MKI67: variants seen among roughly 807,000 people sequenced by gnomAD.
MKI67 encodes the protein proliferation marker protein Ki-67.
In MKI67, 152 loss-of-function variants were observed where a neutral mutation model predicts 233.5. That is an observed-to-expected ratio of 0.65 (90% CI 0.57 to 0.74). The LOEUF is 0.74. Ranked by LOEUF, MKI67 falls within the 30% of genes least tolerant of loss-of-function variation. The pLI is 0.00. For missense variants in MKI67, 3,940 were observed against 3,885.2 expected (o/e 1.01, Z -0.37); for synonymous variants, 1,465 against 1,418.5 (o/e 1.03, Z -0.74).
At position 128,110,453 on chromosome 10, in the gene MKI67, C is replaced by A; in HGVS notation, c.2341G>T (p.Glu781Ter). 1 of 1,588,944 alleles carries A rather than the reference C, an allele frequency of 6.3e-7. No individual in the cohort carries two copies. The highest frequency in any genetic ancestry group is 8.6e-7 in the Non-Finnish European group (1 of 1,159,840). ...TGAAACTGTTTTCCAAGCAAATTCT[C>A]TGAATTTGAAATAGCGATGTGACAT... ...STCHIAISNS[E>*]NLLGKQFQGT... The change falls in exon 12 of 15, where the codon GAG becomes TAG. Residue 781 changes from glutamate (E) to a stop codon, truncating the protein, a stop_gained. Transcript: ENST00000368654. LOFTEE classifies it high-confidence loss of function.
chr10:128,115,878 T>A lies in MKI67; in HGVS notation c.530A>T (p.Gln177Leu), dbSNP rs748669970. The stretch of plus-strand genomic sequence containing the variant: ...TGAGGAATGAACATTAGTTGTTCCC[T>A]GAGCAACACTGTCTTTTGAGTCATC... ...TADDSKDSVA[Q>L]GTTNVHSSEH... The change falls in exon 7 of 15, where the codon CAG becomes CTG. Residue 177 changes from glutamine to leucine, a missense_variant. Physicochemically the swap from Gln to Leu is moderately radical, Grantham distance 113 (BLOSUM62 -2). Coordinates refer to ENST00000368654, the MANE Select transcript of MKI67 (RefSeq NM_002417.5). 45 of 1,609,210 alleles carry A rather than the reference T, an allele frequency of 2.8e-5. No homozygotes were observed. In the Middle Eastern group the frequency reaches 2.1e-3, roughly 77 times the overall value.
At chr10:128,102,508 T>G (rs1278820062) in intron 13 of MKI67, 71 bp downstream of exon 13, 1 of 1,542,852 alleles carries the variant, frequency 6.5e-7, no homozygotes, top group African/African-American at 1.4e-5. Flanking sequence ...TCAGGTTACA[T>G]GCAAAGTATA....
chr10:128,110,357 T>C (rs777173832), intron 12 of MKI67, 21 bp downstream of exon 12: 4 of 1,534,700 alleles, frequency 2.6e-6, no homozygotes, highest in Non-Finnish European at 3.6e-6. Context: ...CATCACAGTG[T>C]TAGGAAACAA....
chr10:128,102,870 G>T lies in MKI67; in HGVS notation c.8970C>A (p.Ser2990=). The change falls in exon 13 of 15, where the codon TCC becomes TCA. Residue 2990 remains serine (S), a synonymous_variant. Coordinates refer to ENST00000368654, the MANE Select transcript of MKI67 (RefSeq NM_002417.5). ...CCCTCTTGAAGGGCAGTGGGGGCAG[G>T]GAAGTGTTGCTTTTGCTTTGTGATT... The part of the protein sequence containing the change: ...PVKSQSKSNT[S]LPPLPFKRGG... 3.1e-6 allele frequency: 5 copies of T among 1,614,188 alleles called. No individual in the cohort carries two copies. The highest frequency in any genetic ancestry group is 3.4e-6 in the Non-Finnish European group (4 of 1,180,044).
chr10:128,110,631 C>T (rs1192055991), intron 11 of MKI67, 98 bp from the exon 12 acceptor site: 4 of 833,492 alleles, frequency 4.8e-6, no homozygotes, highest in Admixed American at 4.8e-5. Flanking sequence ...TGGGAAATAA[C>T]AGTAGATTCC....
intron 10 of MKI67, 53 bp downstream of exon 10, chr10:128,111,874 C>T (rs1433362038): frequency 1.2e-6 from 2 of 1,605,426 alleles, no homozygotes. Context: ...ACACTGAATG[C>T]AAGCTTCGAT....
At chr10:128,121,404 A>G (rs1433388544) in intron 4 of MKI67, among the ~76,000 whole-genome samples, 1 of 142,628 alleles carries the variant, frequency 7.0e-6, no homozygotes, top group Non-Finnish European at 1.5e-5. Context: ...TTGTATATAT[A>G]TTGTATATGT....
chr10:128,100,731 T>C (rs1245874347), intron 14 of MKI67, among the ~76,000 whole-genome samples: 1 of 152,166 alleles, frequency 6.6e-6, no homozygotes. Flanking sequence ...GCTTAGATAG[T>C]CTCTGGCTGG....
rs1415602336 is a variant in MKI67 at position 128,096,889 on chromosome 10, G to C, written c.*2301C>G. 1.3e-5 allele frequency: 2 copies of C among 152,312 alleles called. No homozygotes were observed. Among genetic ancestry groups the C allele is most frequent in the Non-Finnish European group, 2.9e-5 (2 of 68,126 alleles). 9.4% of individuals were successfully genotyped at this position (152,312 alleles called of 1,614,324 possible). A position where few individuals can be genotyped will look rare whatever the true frequency, so the allele number is the denominator to read the frequency against. ...CTGCCCCAGCCTGGAGGACAGGCAT[G>C]GGGGTGAGGGAACCCACAGGCAAGA... On this transcript the variant is annotated 3_prime_UTR_variant, in exon 15 of 15. Coordinates refer to ENST00000368654, the MANE Select transcript of MKI67 (RefSeq NM_002417.5).
chr10:128,106,375 C>A lies in MKI67; in HGVS notation c.5465G>T (p.Arg1822Leu), dbSNP rs200958563. The change falls in exon 13 of 15, where the codon CGT becomes CTT. Residue 1822 changes from arginine to leucine, a missense_variant. By Grantham distance (102) the Arg-to-Leu change is moderately radical. Coordinates refer to ENST00000368654, the MANE Select transcript of MKI67 (RefSeq NM_002417.5). The stretch of plus-strand genomic sequence containing the variant: ...TTCTAGAGCCTGGGCCTTTTCCTTA[C>A]GAGTTTGTAGCCGTCTATTGCTGCC... ...LPGSNRRLQT[R>L]KEKAQALEEL... The A allele has an allele frequency of 2.5e-5, 41 of 1,610,886 alleles. No homozygotes were observed. The East Asian group carries it at 5.6e-4, about 22-fold the overall frequency.
chr10:128,103,954 C>CT lies in MKI67; in HGVS notation c.7885dup (p.Ser2629LysfsTer12). ...TGCTGGTTCTTTGTGTGTGTGTGTGCTTTGCCCTGATGTTTGCGTGAGCCT... is the reference window on the plus strand; with the variant it reads ...TGCTGGTTCTTTGTGTGTGTGTGTGCTTTTGCCCTGATGTTTGCGTGAGCCT... On this transcript the variant is annotated frameshift_variant, in exon 13 of 15. Coordinates refer to ENST00000368654, the MANE Select transcript of MKI67 (RefSeq NM_002417.5). LOFTEE classifies it high-confidence loss of function. 1 of 1,613,868 alleles carries CT rather than the reference C, an allele frequency of 6.2e-7. No homozygotes were observed. The highest frequency in any genetic ancestry group is 1.1e-5 in the South Asian group (1 of 91,078).
intron 13 of MKI67, 59 bp downstream of exon 13, chr10:128,102,518 AAC>A (rs1409391408): frequency 6.4e-7 from 1 of 1,565,794 alleles, no homozygotes; most frequent in African/African-American, 1.4e-5. Context: ...TGCAAAGTAT[AAC>A]ACAGAAATTC....
rs997983 is a variant in MKI67, at chr10:128,112,211, T to G, written c.1891A>C (p.Ile631Leu). The change falls in exon 9 of 15, where the codon ATC (isoleucine) becomes CTC (leucine). Residue 631 changes from isoleucine to leucine, a missense_variant. By Grantham distance (5) the Ile-to-Leu change is conservative. Transcript: ENST00000368654. ...AAAATATCATGTTGACTTCGGCTGA[T>G]AGACACTCTCTTTGAAGGCAGGTTG... ...SGNLPSKRVSISRSQHDILQM... is the reference protein window; with the variant it reads ...SGNLPSKRVSLSRSQHDILQM... 0.095 allele frequency: 153,524 copies of G among 1,614,054 alleles called. 7,810 individuals carry two copies. Among genetic ancestry groups the G allele is most frequent in the Admixed American group, 0.16 (9,456 of 60,028 alleles).
chr10:128,114,795 G>T, intron 7 of MKI67, 133 bp downstream of exon 7: 1 of 884,974 alleles, frequency 1.1e-6, no homozygotes, highest in Non-Finnish European at 1.7e-6. Context: ...GTGCGTGTCT[G>T]TCTTATCCCT....
In MKI67 at chr10:128,104,519, T is replaced by C. The variant is rs749536422; in HGVS notation, c.7321A>G (p.Lys2441Glu). The C allele has an allele frequency of 1.2e-6, 2 of 1,614,110 alleles. No individual in the cohort carries two copies. The highest frequency in any genetic ancestry group is 2.2e-5 in the East Asian group (1 of 44,890). The change falls in exon 13 of 15, where the codon AAA (lysine) becomes GAA (glutamate). Residue 2441 changes from lysine to glutamate, a missense_variant. Physicochemically the swap from Lys to Glu is moderately conservative, Grantham distance 56 (BLOSUM62 1). Transcript: ENST00000368654. ...AEALEDLVGFKELFQTPGHTE... is the reference protein window; with the variant it reads ...AEALEDLVGFEELFQTPGHTE... ...TGACCTGGTGTCTGGAAGAGTTCTT[T>C]GAAGCCAACCAGGTCCTCTAGAGCC...
chr10:128,110,932 G>T (rs1303272276), intron 11 of MKI67, among the ~76,000 whole-genome samples: 3 of 152,204 alleles, frequency 2.0e-5, no homozygotes, highest in African/African-American at 7.2e-5. Flanking sequence ...CTCAGTTCTA[G>T]ATTTTAAGTA....
chr10:128,101,447 C>G lies in MKI67; in HGVS notation c.9516G>C (p.Glu3172Asp). 5 of 1,614,222 alleles carry G rather than the reference C, an allele frequency of 3.1e-6. No homozygotes were observed. The highest frequency in any genetic ancestry group is 3.4e-6 in the Non-Finnish European group (4 of 1,180,044). Reference sequence around the variant, plus strand: ...CCTTCGCACTCTTCTGCCCTCCGCTCTCCTCTGCCACCTTAGGCTGGGAGC... The same window carrying G: ...CCTTCGCACTCTTCTGCCCTCCGCTGTCCTCTGCCACCTTAGGCTGGGAGC... Reference protein sequence around the residue: ...NESSQPKVAEESGGQKSAKVL... With the variant: ...NESSQPKVAEDSGGQKSAKVL... Residue 3172 changes from glutamate (E) to aspartate (D), a missense_variant, in exon 14 of 15, where the codon GAG becomes GAC. Glu to Asp is a conservative substitution (Grantham distance 45). Transcript: ENST00000368654.
chr10:128,101,845 A>G, intron 13 of MKI67, 144 bp from the exon 14 acceptor site: 2 of 682,290 alleles, frequency 2.9e-6, no homozygotes, highest in Non-Finnish European at 4.8e-6. Context: ...GAGACTTGTC[A>G]TCTAGGATAG....
rs2136123976 is a variant in MKI67, at chr10:128,101,277, C to T, written c.9686G>A (p.Cys3229Tyr). The T allele has an allele frequency of 6.2e-7, 1 of 1,609,236 alleles. No individual in the cohort carries two copies. Among genetic ancestry groups the T allele is most frequent in the East Asian group, 2.2e-5 (1 of 44,790 alleles). Reference protein sequence around the residue: ...VQRVTRSVKRCAENPKKAEDN... With the variant: ...VQRVTRSVKRYAENPKKAEDN... The stretch of plus-strand genomic sequence containing the variant: ...GCTTACCTTCTTTGGATTTTCTGCA[C>T]ACCTCTTGACACTCCGCGTTACTCT... The change falls in exon 14 of 15, where the codon TGT becomes TAT. Residue 3229 changes from cysteine (C) to tyrosine (Y), a missense_variant. Physicochemically the swap from Cys to Tyr is radical, Grantham distance 194. Coordinates refer to ENST00000368654, the MANE Select transcript of MKI67 (RefSeq NM_002417.5).
Sources: allele counts gnomAD v4.1 joint callset (sites outside exome capture counted in the v4.1 genomes callset), GRCh38; gene constraint gnomAD v4.1.1; transcripts MANE v1.5; gene names NCBI Gene and HGNC (gene_info 2026-07-23, HGNC 2026-07-21).